POGZ: variants seen among roughly 807,000 people sequenced by gnomAD.
POGZ encodes the protein pogo transposable element derived with ZNF domain, also known as pogo transposable element with ZNF domain.
POGZ carries 17 observed loss-of-function variants against 134.6 expected under a neutral mutation model. The observed-to-expected ratio is 0.13, with a 90% CI of 0.09 to 0.19. The LOEUF (loss-of-function observed/expected upper bound fraction) is 0.19. POGZ is among the 10% of genes least tolerant of loss of function. POGZ has a pLI of 1.00. For missense variants in POGZ, 1,306 were observed against 1,769.7 expected, an observed-to-expected ratio of 0.74 and a Z score of 4.70; for synonymous variants, 693 against 657.1, an observed-to-expected ratio of 1.05 and a Z score of -0.84.
At chr1:151,420,647 T>C (rs1287164669) in intron 10 of POGZ, among the ~76,000 whole-genome samples, 1 of 152,052 alleles carries the variant, frequency 6.6e-6, no homozygotes, top group Non-Finnish European at 1.5e-5. Context: ...CCCAAATGAT[T>C]AGTCCAAAGT....
chr1:151,444,285 T>C (rs1183477391), intron 1 of POGZ, among the ~76,000 whole-genome samples: 1 of 152,204 alleles, frequency 6.6e-6, no homozygotes, highest in Non-Finnish European at 1.5e-5. Flanking sequence ...AAGACAATAC[T>C]AGCCAGAAAC....
intron 1 of POGZ, among the ~76,000 whole-genome samples, chr1:151,448,418 C>G (rs1451233970): frequency 6.6e-6 from 1 of 151,920 alleles, no homozygotes; most frequent in Non-Finnish European, 1.5e-5. Context: ...TCGAGACCAG[C>G]TTGTGCAACA....
chr1:151,448,642 C>T (rs74561846), intron 1 of POGZ, among the ~76,000 whole-genome samples: 2,697 of 151,994 alleles, frequency 0.018, 79 homozygotes, highest in African/African-American at 0.061. Context: ...AGCCCTAATT[C>T]TTTGAGCCCA....
At chr1:151,441,338 A>C (rs575925781) in intron 2 of POGZ, among the ~76,000 whole-genome samples, 2 of 152,330 alleles carry the variant, frequency 1.3e-5, no homozygotes, top group African/African-American at 4.8e-5. Context: ...CTGGGATTTT[A>C]ATCTTTGCTT....
chr1:151,432,357 G>A (rs1426365852), intron 3 of POGZ, among the ~76,000 whole-genome samples: 1 of 152,150 alleles, frequency 6.6e-6, no homozygotes, highest in Non-Finnish European at 1.5e-5. Flanking sequence ...TATGTAGGTG[G>A]CTACTAATGG....
intron 10 of POGZ, among the ~76,000 whole-genome samples, chr1:151,416,813 A>G (rs1189757132): frequency 6.6e-5 from 10 of 151,806 alleles, no homozygotes; most frequent in Non-Finnish European, 1.0e-4. Flanking sequence ...ACAAAAACAG[A>G]GAGAGATAAG....
intron 10 of POGZ, among the ~76,000 whole-genome samples, chr1:151,418,071 C>T (rs1656098838): frequency 6.6e-6 from 1 of 151,986 alleles, no homozygotes; most frequent in African/African-American, 2.4e-5. Context: ...AAAAAATTAG[C>T]CGGGCGTGGT....
At position 151,408,247 on chromosome 1, in the gene POGZ, G is replaced by A; in HGVS notation, c.2235-7C>T. The A allele has an allele frequency of 6.2e-7, 1 of 1,601,152 alleles. No homozygotes were observed. Among genetic ancestry groups the A allele is most frequent in the South Asian group, 1.1e-5 (1 of 89,410 alleles). On this transcript the variant is annotated splice_polypyrimidine_tract_variant and splice_region_variant and intron_variant, in intron 14 of 18. Transcript: ENST00000271715. ...CTGCCGGCCCATGACACTCCTGTGG[G>A]GGAAAAAAAAAAAGAATTCTCATTA...
intron 1 of POGZ, among the ~76,000 whole-genome samples, chr1:151,450,621 G>C (rs1399046910): frequency 6.6e-6 from 1 of 152,072 alleles, no homozygotes; most frequent in Non-Finnish European, 1.5e-5. Flanking sequence ...CCAAAGTGCT[G>C]GGTTTTACAG....
At chr1:151,406,490 G>T (rs1365299957) in intron 18 of POGZ, 26 bp from the exon 19 acceptor site, 1 of 1,557,478 alleles carries the variant, frequency 6.4e-7, no homozygotes, top group Admixed American at 2.1e-5. Flanking sequence ...GCAAAGAGAA[G>T]AGGAGAAATC....
chr1:151,404,569 G>T lies in POGZ; in HGVS notation c.*233C>A. The T allele has an allele frequency of 3.3e-6, 4 of 1,204,738 alleles. No homozygotes were observed. The highest frequency in any genetic ancestry group is 4.1e-6 in the Non-Finnish European group (4 of 970,074). 74.6% of individuals were successfully genotyped at this position (1,204,738 alleles called of 1,614,324 possible). On this transcript the variant is annotated 3_prime_UTR_variant, in exon 19 of 19. Transcript: ENST00000271715. The stretch of plus-strand genomic sequence containing the variant: ...AAGTCACAAAAACCTGTTTTTAGCA[G>T]AAGTGAATGACCAATGGGCCAGCTC...
At position 151,408,834 on chromosome 1, in the gene POGZ, G is replaced by T. The variant is rs1466201782; in HGVS notation, c.1927-6C>A. 6.5e-7 allele frequency: 1 copy of T among 1,539,690 alleles called. No individual in the cohort carries two copies. Among genetic ancestry groups the T allele is most frequent in the African/African-American group, 1.5e-5 (1 of 68,164 alleles). On this transcript the variant is annotated splice_region_variant and splice_polypyrimidine_tract_variant and intron_variant, in intron 12 of 18. Transcript: ENST00000271715. ...CAGTGATAAACATTTCTCTTCTGAA[G>T]TGGGGGAGGGAAAAAAAGAGACAAA... is the stretch of plus-strand genomic sequence containing the variant.
rs201669999 is a variant in POGZ at position 151,441,713 on chromosome 1, C to CA, written c.124+367dup. 2.5e-3 allele frequency among the ~76,000 whole-genome samples: 380 copies of CA among 151,630 alleles called. 2 individuals carry two copies. The highest frequency in any genetic ancestry group is 3.2e-3 in the African/African-American group (131 of 41,370). On this transcript the variant is annotated intron_variant, in intron 2 of 18. Transcript: ENST00000271715. ...CAAGTTCAAGTAAAACAAAATAAAA[C>CA]AAAAAAAACAAGACTATGGGAACCT...
At chr1:151,449,633 A>T (rs1661763524) in intron 1 of POGZ, among the ~76,000 whole-genome samples, 1 of 152,230 alleles carries the variant, frequency 6.6e-6, no homozygotes, top group Non-Finnish European at 1.5e-5. Flanking sequence ...ACAGTGGCTC[A>T]CGCCTGTAAT....
At chr1:151,412,270 A>G in intron 11 of POGZ, 26 bp downstream of exon 11, 1 of 1,307,272 alleles carries the variant, frequency 7.6e-7, no homozygotes, top group Non-Finnish European at 1.1e-6. Flanking sequence ...AAAACTGCTA[A>G]AACTCCCTGG....
chr1:151,440,823 G>A, intron 3 of POGZ, 105 bp downstream of exon 3: 1 of 852,276 alleles, frequency 1.2e-6, no homozygotes, highest in Non-Finnish European at 1.9e-6. Flanking sequence ...CCAACTAGTA[G>A]AACCACATCT....
At chr1:151,455,449 A>G (rs190722579) in intron 1 of POGZ, among the ~76,000 whole-genome samples, 7 of 152,348 alleles carry the variant, frequency 4.6e-5, no homozygotes, top group African/African-American at 1.4e-4. Context: ...TTAGATTTGA[A>G]TGATGTAAAG....
intron 5 of POGZ, chr1:151,429,272 TGAG>T (rs747307299): frequency 5.0e-5 from 8 of 159,582 alleles, no homozygotes; most frequent in Non-Finnish European, 8.2e-5. Flanking sequence ...ACCGTGCAAA[TGAG>T]GAGATGTGTA....
chr1:151,421,027 T>C (rs1318779062), intron 10 of POGZ, among the ~76,000 whole-genome samples: 1 of 149,854 alleles, frequency 6.7e-6, no homozygotes, highest in Non-Finnish European at 1.5e-5. Flanking sequence ...AAGTTTAATT[T>C]ATAAATTAGG....
Sources: allele counts gnomAD v4.1 joint callset (sites outside exome capture counted in the v4.1 genomes callset), GRCh38; gene constraint gnomAD v4.1.1; transcripts MANE v1.5; gene names NCBI Gene and HGNC (gene_info 2026-07-23, HGNC 2026-07-21).